The following SYT13 variants were observed in gnomAD, a reference collection of about 807,000 sequenced individuals.
SYT13 encodes synaptotagmin-13.
Under a neutral mutation model 38.6 loss-of-function variants are expected in SYT13, and 21 were observed. That is an observed-to-expected ratio of 0.54 (90% confidence interval 0.39 to 0.78). SYT13 has a LOEUF of 0.78. Among genes scored for constraint, SYT13 ranks in the 30% least tolerant of loss-of-function variants. The pLI, the probability that SYT13 is intolerant of heterozygous loss-of-function variation, is 0.00. For synonymous variants in SYT13, 241 were observed against 237.6 expected (o/e 1.01, Z -0.13); for missense variants, 495 against 548.7 (o/e 0.90, Z 0.98).
At chr11:45,256,776 C>T (rs963350348) in intron 1 of SYT13, among the ~76,000 whole-genome samples, 3 of 152,184 alleles carry the variant, frequency 2.0e-5, no homozygotes, top group Admixed American at 1.3e-4. Flanking sequence ...GATGTTTGTC[C>T]TGCCTTCAAA....
chr11:45,285,745 C>T (rs1855126088), intron 1 of SYT13: 1 of 670,586 alleles, frequency 1.5e-6, no homozygotes, highest in Non-Finnish European at 2.7e-6. Flanking sequence ...TTCCTGTCCC[C>T]TCCCTTTAGG....
chr11:45,280,364 T>G (rs889652834), intron 1 of SYT13, among the ~76,000 whole-genome samples: 8 of 151,576 alleles, frequency 5.3e-5, no homozygotes, highest in African/African-American at 1.9e-4. Flanking sequence ...AGCAATTTAT[T>G]AAAAAAAACA....
At chr11:45,275,069 C>T (rs896932477) in intron 1 of SYT13, among the ~76,000 whole-genome samples, 1 of 152,084 alleles carries the variant, frequency 6.6e-6, no homozygotes, top group African/African-American at 2.4e-5. Flanking sequence ...AGCACCCTCC[C>T]CTGCTTCTCT....
intron 1 of SYT13, among the ~76,000 whole-genome samples, chr11:45,263,120 C>T (rs1470295845): frequency 6.6e-6 from 1 of 152,166 alleles, no homozygotes; most frequent in East Asian, 1.9e-4. Context: ...CCGGCTCTGC[C>T]TCCAGTAATA....
chr11:45,251,038 G>C (rs1854667798), intron 4 of SYT13, among the ~76,000 whole-genome samples: 1 of 152,044 alleles, frequency 6.6e-6, no homozygotes, highest in Non-Finnish European at 1.5e-5. Context: ...GGTTGATTTG[G>C]AGAGTGGCAG....
At chr11:45,271,831 C>T (rs1465494834) in intron 1 of SYT13, among the ~76,000 whole-genome samples, 1 of 152,104 alleles carries the variant, frequency 6.6e-6, no homozygotes, top group Non-Finnish European at 1.5e-5. Flanking sequence ...AGAGCTGCCT[C>T]AAGAAAAATA....
intron 1 of SYT13, among the ~76,000 whole-genome samples, chr11:45,278,044 G>A (rs80114746): frequency 0.015 from 2,298 of 152,262 alleles, 45 homozygotes; most frequent in African/African-American, 0.047. Context: ...AAAGAGGGAG[G>A]AACCCACCTT....
chr11:45,256,370 T>C (rs536070565), intron 1 of SYT13, among the ~76,000 whole-genome samples: 3 of 151,990 alleles, frequency 2.0e-5, no homozygotes, highest in Non-Finnish European at 4.4e-5. Context: ...CCTTTGCTCA[T>C]CTCCAGTCAC....
intron 1 of SYT13, among the ~76,000 whole-genome samples, chr11:45,284,131 G>T (rs12363398): frequency 0.3 from 45,572 of 152,036 alleles, 6,994 homozygotes; most frequent in South Asian, 0.4. Context: ...AAGAATGATC[G>T]TAAATCCAGG....
intron 1 of SYT13, among the ~76,000 whole-genome samples, chr11:45,262,194 T>C (rs761646898): frequency 2.6e-5 from 4 of 152,174 alleles, no homozygotes; most frequent in Non-Finnish European, 5.9e-5. Flanking sequence ...GAGGACATGA[T>C]GCCAAGTGAA....
intron 1 of SYT13, among the ~76,000 whole-genome samples, chr11:45,259,776 AC>A: frequency 6.6e-6 from 1 of 152,132 alleles, no homozygotes; most frequent in African/African-American, 2.4e-5. Context: ...CTTGGATTCC[AC>A]AGTAGTAGAA....
chr11:45,271,372 C>G, intron 1 of SYT13, among the ~76,000 whole-genome samples: 1 of 152,092 alleles, frequency 6.6e-6, no homozygotes, highest in South Asian at 2.1e-4. Context: ...GAGAAGGCTT[C>G]CTGGACGAGG....
chr11:45,265,115 G>T (rs1374568329), intron 1 of SYT13, among the ~76,000 whole-genome samples: 1 of 152,206 alleles, frequency 6.6e-6, no homozygotes, highest in Non-Finnish European at 1.5e-5. Flanking sequence ...GGACAATGGA[G>T]AAGTCCATTG....
intron 1 of SYT13, among the ~76,000 whole-genome samples, chr11:45,278,010 A>G (rs10769136): frequency 0.4 from 60,342 of 152,014 alleles, 13,088 homozygotes; most frequent in African/African-American, 0.58. Flanking sequence ...GCACACAGTT[A>G]TTCAATAAAC....
At position 45,286,158 on chromosome 11, in the gene SYT13, G is replaced by A; in HGVS notation, c.50C>T (p.Ala17Val). 1 of 1,587,722 alleles carries A rather than the reference G, an allele frequency of 6.3e-7. No homozygotes were observed. Among genetic ancestry groups the A allele is most frequent in the Non-Finnish European group, 8.5e-7 (1 of 1,170,352 alleles). ...CCCGCACAACGCGAGGATGCTGGTG[G>A]CTGTGCCCAGCGTGGCGCCCAGCGC... Reference protein sequence around the residue: ...VIALGATLGTATSILALCGVT... With the variant: ...VIALGATLGTVTSILALCGVT... Residue 17 changes from alanine to valine, a missense_variant, in exon 1 of 6, where the codon GCC (alanine) becomes GTC (valine). Coordinates refer to ENST00000020926, the MANE Select transcript of SYT13 (RefSeq NM_020826.3).
chr11:45,261,388 G>C (rs185770915), intron 1 of SYT13, among the ~76,000 whole-genome samples: 1 of 151,418 alleles, frequency 6.6e-6, no homozygotes, highest in African/African-American at 2.4e-5. Context: ...TCAGGAGATC[G>C]AGACCATCCT....
intron 1 of SYT13, among the ~76,000 whole-genome samples, chr11:45,258,031 AG>A (rs1375383611): frequency 6.6e-6 from 1 of 152,238 alleles, no homozygotes; most frequent in African/African-American, 2.4e-5. Flanking sequence ...ACCTGATTCT[AG>A]CCTGATCACC....
intron 4 of SYT13, 24 bp from the exon 5 acceptor site, chr11:45,246,536 GA>G (rs768818343): frequency 6.2e-7 from 1 of 1,612,426 alleles, no homozygotes; most frequent in Non-Finnish European, 8.5e-7. Context: ...GGAGATGCAG[GA>G]GGGGAGTCTC....
At chr11:45,256,884 C>T (rs1854754335) in intron 1 of SYT13, among the ~76,000 whole-genome samples, 1 of 152,186 alleles carries the variant, frequency 6.6e-6, no homozygotes, top group African/African-American at 2.4e-5. Context: ...CTTGCAAAAT[C>T]AATTTCCCTT....
Sources: gnomAD v4.1 joint callset for allele counts (sites outside exome capture counted in the v4.1 genomes callset) on GRCh38, gnomAD v4.1.1 for gene constraint, MANE v1.5 for transcripts, NCBI Gene and HGNC (gene_info 2026-07-23, HGNC 2026-07-21) for gene names.